The following FRMPD3 variants were observed in gnomAD, a reference collection of about 807,000 sequenced individuals.
FRMPD3 encodes FERM and PDZ domain-containing protein 3.
FRMPD3 carries 42 observed loss-of-function variants against 97.9 expected under a neutral mutation model. The ratio of observed to expected loss-of-function variants is 0.43; its 90% confidence interval spans 0.34 to 0.55. The LOEUF (loss-of-function observed/expected upper bound fraction) is 0.55, where lower values mean the gene tolerates loss of function less well. FRMPD3 is among the 20% of genes least tolerant of loss of function. FRMPD3 has a pLI of 0.03. For missense variants in FRMPD3, 1,303 were observed against 1,457.7 expected (o/e 0.89, Z 1.73); for synonymous variants, 577 against 581.1 (o/e 0.99, Z 0.10).
chrX:107,478,180 T>C (rs1013473429), intron 1 of FRMPD3, among the ~76,000 whole-genome samples: 2 of 112,355 alleles, frequency 1.8e-5, no homozygotes, highest in African/African-American at 6.5e-5. Context: ...AAGTAATATA[T>C]GCTTATTATA....
chrX:107,480,891 GGAAGGAAAGAAAGAAAGAAA>G lies in FRMPD3; in HGVS notation c.-8+30890_-8+30909del, dbSNP rs1426637582. 6.0e-3 allele frequency among the ~76,000 whole-genome samples: 405 copies of G among 68,038 alleles called. 5 individuals carry two copies. Among genetic ancestry groups the G allele is most frequent in the African/African-American group, 0.015 (256 of 17,547 alleles). 59.1% of individuals were successfully genotyped at this position (68,038 alleles called of 115,157 possible). The stretch of plus-strand genomic sequence containing the variant: ...AGAAAGGAAGGAAGGAAGGAAGGAA[GGAAGGAAAGAAAGAAAGAAA>G]GAAAGAAAGAAAGAAAGAAAGAAAG... On this transcript the variant is annotated intron_variant, in intron 1 of 14. Transcript: ENST00000683843.
intron 1 of FRMPD3, among the ~76,000 whole-genome samples, chrX:107,477,906 A>T (rs1318145291): frequency 9.0e-6 from 1 of 111,011 alleles, no homozygotes; most frequent in Non-Finnish European, 1.9e-5. Flanking sequence ...TTTATTACTC[A>T]TCTCCATCTT....
chrX:107,591,483 C>T (rs1923900937), intron 13 of FRMPD3, among the ~76,000 whole-genome samples: 1 of 112,231 alleles, frequency 8.9e-6, no homozygotes, highest in East Asian at 2.8e-4. Flanking sequence ...AAGAATTTGT[C>T]CATACCGTTT....
intron 13 of FRMPD3, among the ~76,000 whole-genome samples, chrX:107,583,112 CT>C (rs1262778971): frequency 2.2e-4 from 23 of 104,875 alleles, no homozygotes; most frequent in Non-Finnish European, 4.1e-4. Context: ...TTTTCTTTTT[CT>C]TTTTTTTTCT....
At chrX:107,584,457 A>G (rs1923552094) in intron 13 of FRMPD3, among the ~76,000 whole-genome samples, 1 of 111,404 alleles carries the variant, frequency 9.0e-6, no homozygotes, top group South Asian at 3.7e-4. Flanking sequence ...ATTAGATCCC[A>G]TTTGTCAATT....
chrX:107,470,127 A>T (rs768958903), intron 1 of FRMPD3, among the ~76,000 whole-genome samples: 7 of 112,732 alleles, frequency 6.2e-5, no homozygotes, highest in Non-Finnish European at 9.4e-5. Flanking sequence ...ATCACCAGCC[A>T]TTGTCAATTG....
intron 1 of FRMPD3, among the ~76,000 whole-genome samples, chrX:107,513,550 G>A (rs1011108728): frequency 8.9e-6 from 1 of 111,772 alleles, no homozygotes; most frequent in Non-Finnish European, 1.9e-5. Context: ...GAACCATGCC[G>A]TCTCCCATTC....
At chrX:107,456,710 C>A (rs1931383338) in intron 1 of FRMPD3, among the ~76,000 whole-genome samples, 1 of 112,059 alleles carries the variant, frequency 8.9e-6, no homozygotes, top group Non-Finnish European at 1.9e-5. Context: ...TGTTATGTCT[C>A]TAAAGGCCCT....
intron 1 of FRMPD3, among the ~76,000 whole-genome samples, chrX:107,450,597 CACACAGAGAG>C (rs1931269113): frequency 9.5e-6 from 1 of 104,798 alleles, no homozygotes; most frequent in Non-Finnish European, 1.9e-5. Flanking sequence ...CACACACACA[CACACAGAGAG>C]AGAGAGAGAG....
intron 1 of FRMPD3, among the ~76,000 whole-genome samples, chrX:107,459,884 TACACACACACACACACACACAC>T (rs67324661): frequency 4.5e-5 from 4 of 89,849 alleles, no homozygotes; most frequent in African/African-American, 1.2e-4. Context: ...CAAGCATACA[TACACACACACACACACACACAC>T]ACACACACAC....
chrX:107,518,747 A>G (rs1190231469), intron 1 of FRMPD3, among the ~76,000 whole-genome samples: 2 of 112,328 alleles, frequency 1.8e-5, no homozygotes, highest in Middle Eastern at 8.4e-3. Context: ...TATGTACCTG[A>G]AAGAATACAG....
chrX:107,588,258 CT>C (rs1186488725), intron 13 of FRMPD3, among the ~76,000 whole-genome samples: 112 of 101,562 alleles, frequency 1.1e-3, no homozygotes, highest in Middle Eastern at 5.0e-3. Context: ...TCTTCTTCTT[CT>C]TTTTTTTTTT....
chrX:107,589,876 CA>C (rs1923822450), intron 13 of FRMPD3, among the ~76,000 whole-genome samples: 1 of 112,486 alleles, frequency 8.9e-6, no homozygotes, highest in Non-Finnish European at 1.9e-5. Context: ...TGAGGTCGGG[CA>C]TGGTGGCTCA....
intron 13 of FRMPD3, among the ~76,000 whole-genome samples, chrX:107,583,262 A>G: frequency 9.4e-6 from 1 of 106,198 alleles, no homozygotes; most frequent in East Asian, 3.0e-4. Flanking sequence ...CAACAGGCCC[A>G]GGTGTGTGTT....
intron 2 of FRMPD3, among the ~76,000 whole-genome samples, chrX:107,526,947 A>G (rs918995793): frequency 8.9e-6 from 1 of 112,018 alleles, no homozygotes; most frequent in African/African-American, 3.2e-5. Flanking sequence ...GGGCCCTAGA[A>G]AAAGGCTGCA....
At chrX:107,565,191 C>T (rs752579030) in intron 12 of FRMPD3, 125 bp downstream of exon 12, 1 of 651,065 alleles carries the variant, frequency 1.5e-6, no homozygotes, top group Admixed American at 4.3e-5. Context: ...AGTGGTTCAA[C>T]CCTGGGACTC....
At chrX:107,500,428 G>A (rs1330182823) in intron 1 of FRMPD3, among the ~76,000 whole-genome samples, 10 of 111,508 alleles carry the variant, frequency 9.0e-5, no homozygotes, top group South Asian at 3.7e-4. Context: ...CTTCCTAGCC[G>A]GGAGGCCTTT....
intron 1 of FRMPD3, among the ~76,000 whole-genome samples, chrX:107,478,128 C>T (rs1921249301): frequency 8.9e-6 from 1 of 111,799 alleles, no homozygotes; most frequent in South Asian, 3.8e-4. Context: ...TAGCTAGTTC[C>T]ATTCATTCTC....
At chrX:107,461,174 C>G (rs1931464778) in intron 1 of FRMPD3, among the ~76,000 whole-genome samples, 1 of 112,035 alleles carries the variant, frequency 8.9e-6, no homozygotes, top group Admixed American at 9.4e-5. Flanking sequence ...GAAGTCTGGC[C>G]TTTAACCGGA....
Sources: gnomAD v4.1 joint callset for allele counts (sites outside exome capture counted in the v4.1 genomes callset) on GRCh38, gnomAD v4.1.1 for gene constraint, MANE v1.5 for transcripts, NCBI Gene and HGNC (gene_info 2026-07-23, HGNC 2026-07-21) for gene names.